DHX15: variants seen among roughly 807,000 people sequenced by gnomAD.
The protein encoded by DHX15 is DEAH-box helicase 15.
A neutral mutation model predicts 94.4 loss-of-function variants in DHX15; 11 were observed. The observed-to-expected ratio is 0.12, with a 90% CI of 0.07 to 0.19. The LOEUF (loss-of-function observed/expected upper bound fraction) is 0.19. Among genes scored for constraint, DHX15 ranks in the 10% least tolerant of loss-of-function variants. The pLI, the probability that DHX15 is intolerant of heterozygous loss-of-function variation, is 1.00. For missense variants in DHX15, 304 were observed against 988.5 expected (o/e 0.31, Z 9.29); for synonymous variants, 338 against 329.9 (o/e 1.02, Z -0.27).
At chr4:24,547,066 T>C (rs1721441383) in intron 6 of DHX15, among the ~76,000 whole-genome samples, 1 of 152,140 alleles carries the variant, frequency 6.6e-6, no homozygotes, top group South Asian at 2.1e-4. Context: ...TTCTTCCTCA[T>C]AATGAAAATG....
intron 11 of DHX15, among the ~76,000 whole-genome samples, chr4:24,536,593 G>A (rs1023728565): frequency 6.6e-6 from 1 of 152,096 alleles, no homozygotes; most frequent in Non-Finnish European, 1.5e-5. Context: ...TCCATATCAT[G>A]TTTAGAGACC....
At chr4:24,574,229 G>A (rs1251602925) in intron 2 of DHX15, among the ~76,000 whole-genome samples, 1,063 of 69,124 alleles carry the variant, frequency 0.015, no homozygotes, top group Middle Eastern at 0.02. Context: ...AAAAAAAAAA[G>A]TTAAAGTCAT....
Position 24,549,002 on chromosome 4 carries a change from C to G in DHX15, c.1101G>C (p.Lys367Asn). 6.2e-7 allele frequency: 1 copy of G among 1,609,596 alleles called. No homozygotes were observed. The highest frequency in any genetic ancestry group is 8.5e-7 in the Non-Finnish European group (1 of 1,178,526). Residue 367 changes from lysine (K) to asparagine (N), a missense_variant, in exon 6 of 14, where the codon AAG becomes AAC. By Grantham distance (94) the Lys-to-Asn change is moderately conservative. Around this residue, in one of 9 missense-constraint regions of DHX15, gnomAD observed 40 missense variants for 107.1 expected, o/e 0.37. Transcript: ENST00000336812. ...TGQEEIDEAC[K>N]RIKREVDDLG... Reference sequence around the variant, plus strand: ...AATCATCAACTTCACGCTTTATTCTCTTACAGGCTTCATCAATTTCCTACA... The same window carrying G: ...AATCATCAACTTCACGCTTTATTCTGTTACAGGCTTCATCAATTTCCTACA...
chr4:24,567,812 T>C (rs1314602095), intron 3 of DHX15, among the ~76,000 whole-genome samples: 4 of 152,140 alleles, frequency 2.6e-5, no homozygotes, highest in Admixed American at 2.6e-4. Context: ...AAAGTAAGTA[T>C]GTTGCAAAAA....
chr4:24,547,917 A>G lies in DHX15; in HGVS notation c.1248+938T>C, dbSNP rs1167964396. Among the ~76,000 whole-genome samples the G allele has an allele frequency of 8.6e-4, 30 of 34,706 alleles. No homozygotes were observed. The East Asian group carries it at 0.01, about 12-fold the overall frequency. The allele number at this position is 34,706 out of a possible 152,430, so 22.8% of individuals were successfully genotyped here. A position where few individuals can be genotyped will look rare whatever the true frequency, so the allele number is the denominator to read the frequency against. ...TGTATGTATGTGTATATATATATATATATATATATATATATATATATATAT... is the reference window on the plus strand; with the variant it reads ...TGTATGTATGTGTATATATATATATGTATATATATATATATATATATATAT... On this transcript the variant is annotated intron_variant, in intron 6 of 13. Transcript: ENST00000336812.
At chr4:24,576,817 A>T in intron 1 of DHX15, 139 bp from the exon 2 acceptor site, 1 of 1,289,296 alleles carries the variant, frequency 7.8e-7, no homozygotes, top group Non-Finnish European at 1.0e-6. Context: ...CAGAAATAAT[A>T]AAAAATACCC....
In DHX15 at chr4:24,537,305, C is replaced by G; in HGVS notation, c.1787-132G>C. 1 of 1,208,836 alleles carries G rather than the reference C, an allele frequency of 8.3e-7. No homozygotes were observed. Among genetic ancestry groups the G allele is most frequent in the Non-Finnish European group, 1.1e-6 (1 of 880,970 alleles). The allele number at this position is 1,208,836 out of a possible 1,614,324, so 74.9% of individuals were successfully genotyped here. ...AGGGCAGGATGGCCTCCAACTGCAT[C>G]TTGGATTGTTTACTACCTTGATTTG... On this transcript the variant is annotated intron_variant, in intron 10 of 13. Coordinates refer to ENST00000336812, the MANE Select transcript of DHX15 (RefSeq NM_001358.3). The surrounding 1 kb of genome is among the most constrained non-coding windows in gnomAD (Gnocchi z 4.7).
At chr4:24,580,998 T>G (rs1311621039) in intron 1 of DHX15, 1 of 152,000 alleles carries the variant, frequency 6.6e-6, no homozygotes, top group African/African-American at 2.4e-5. Flanking sequence ...CCTTTACAAC[T>G]GGAGTACTAT....
intron 1 of DHX15, among the ~76,000 whole-genome samples, chr4:24,581,951 A>G (rs1019382104): frequency 7.9e-5 from 12 of 152,292 alleles, no homozygotes; most frequent in South Asian, 2.1e-4. Context: ...GAGCATTAAT[A>G]TAAGTGAAAT....
chr4:24,527,944 T>C lies in DHX15; in HGVS notation c.2368A>G (p.Lys790Glu). Residue 790 changes from lysine to glutamate, a missense_variant, in exon 14 of 14, where the codon AAG (lysine) becomes GAG (glutamate). Physicochemically the swap from Lys to Glu is moderately conservative, Grantham distance 56. Coordinates refer to ENST00000336812, the MANE Select transcript of DHX15 (RefSeq NM_001358.3). Reference sequence around the variant, plus strand: ...TGAATTCAGTACTGTGAATATTCCTTGGATTGAAGTTTGGCAATGATGCGG... The same window carrying C: ...TGAATTCAGTACTGTGAATATTCCTCGGATTGAAGTTTGGCAATGATGCGG... The part of the protein sequence containing the change: ...LDRIIAKLQS[K>E]EYSQY 1 of 1,612,712 alleles carries C rather than the reference T, an allele frequency of 6.2e-7. No homozygotes were observed. The highest frequency in any genetic ancestry group is 8.5e-7 in the Non-Finnish European group (1 of 1,178,728).
chr4:24,551,615 A>C (rs1186586605), intron 5 of DHX15, among the ~76,000 whole-genome samples: 1 of 152,212 alleles, frequency 6.6e-6, no homozygotes, highest in East Asian at 1.9e-4. Context: ...AATATAACAA[A>C]GCGAACAAAT....
Position 24,584,449 on chromosome 4 carries a change from C to T in DHX15, c.-56G>A, listed in dbSNP as rs1037737053. 1.9e-6 allele frequency: 3 copies of T among 1,553,236 alleles called. No homozygotes were observed. Among genetic ancestry groups the T allele is most frequent in the Middle Eastern group, 1.7e-4 (1 of 5,942 alleles). ...GGAAGAAAGCTGGCTGCTGTATGGGCACAGTCGAGGACAGCCACTTAACTC... is the reference window on the plus strand; with the variant it reads ...GGAAGAAAGCTGGCTGCTGTATGGGTACAGTCGAGGACAGCCACTTAACTC... On this transcript the variant is annotated 5_prime_UTR_variant, in exon 1 of 14. Transcript: ENST00000336812.
At chr4:24,584,146 G>A (rs1361683282) in intron 1 of DHX15, 177 bp downstream of exon 1, 5 of 639,668 alleles carry the variant, frequency 7.8e-6, no homozygotes, top group African/African-American at 5.8e-5. Context: ...AACCCCCCGC[G>A]CCCTTGCCGG....
chr4:24,560,094 T>A (rs573971753), intron 3 of DHX15, among the ~76,000 whole-genome samples: 43 of 152,214 alleles, frequency 2.8e-4, no homozygotes, highest in African/African-American at 9.9e-4. Context: ...GTAGTATAAC[T>A]ACAAGCCAAC....
chr4:24,545,320 A>G (rs574296618), intron 6 of DHX15, among the ~76,000 whole-genome samples: 35 of 152,356 alleles, frequency 2.3e-4, no homozygotes, highest in African/African-American at 8.2e-4. Flanking sequence ...CTCTTTAGTT[A>G]CCATTATAAA....
In DHX15 at chr4:24,570,535, G is replaced by A. The variant is rs1722099544; in HGVS notation, c.701+119C>T. On this transcript the variant is annotated intron_variant, in intron 3 of 13. Coordinates refer to ENST00000336812, the MANE Select transcript of DHX15 (RefSeq NM_001358.3). ...AAGGTCATGTGGTAAGTCTAAGAAGGCCTACTTTGGATAATTCTAAATTTG... is the reference window on the plus strand; with the variant it reads ...AAGGTCATGTGGTAAGTCTAAGAAGACCTACTTTGGATAATTCTAAATTTG... 5.2e-6 allele frequency: 4 copies of A among 762,358 alleles called. No homozygotes were observed. In the Admixed American group the frequency reaches 7.8e-5, roughly 15 times the overall value. 47.2% of individuals were successfully genotyped at this position (762,358 alleles called of 1,614,324 possible).
At chr4:24,529,356 T>C (rs1402814540) in intron 13 of DHX15, among the ~76,000 whole-genome samples, 6 of 152,180 alleles carry the variant, frequency 3.9e-5, no homozygotes, top group Non-Finnish European at 5.9e-5. Flanking sequence ...AAACTTTTCA[T>C]GCTATTCAAA....
chr4:24,559,686 T>C (rs192838799), intron 3 of DHX15, among the ~76,000 whole-genome samples: 1 of 152,296 alleles, frequency 6.6e-6, no homozygotes, highest in Non-Finnish European at 1.5e-5. Context: ...CTTTACTGGG[T>C]GCCTTACTAT....
chr4:24,529,928 GC>G, intron 12 of DHX15, 158 bp from the exon 13 acceptor site: 1 of 741,718 alleles, frequency 1.3e-6, no homozygotes, highest in Non-Finnish European at 2.2e-6. Flanking sequence ...TAAGCAAACT[GC>G]TGCCTGTGGG....
Sources: gnomAD v4.1 joint callset for allele counts (sites outside exome capture counted in the v4.1 genomes callset) on GRCh38, gnomAD v4.1.1 for gene constraint, gnomAD v4.1.1 regional missense constraint, Gnocchi (gnomAD v3.1) non-coding constraint, MANE v1.5 for transcripts, NCBI Gene and HGNC (gene_info 2026-07-23, HGNC 2026-07-21) for gene names.